Variants in NARS1 observed in about 807,000 individuals in gnomAD.
NARS1 encodes the protein asparaginyl-tRNA synthetase 1.
NARS1 carries 65 observed loss-of-function variants against 79.2 expected under a neutral mutation model. The observed-to-expected ratio is 0.82, with a 90% confidence interval of 0.67 to 1.01. NARS1 has a LOEUF of 1.01. Among genes scored for constraint, NARS1 ranks in the 50% least tolerant of loss-of-function variants. NARS1 has a pLI of 0.00. For missense variants in NARS1, 649 were observed against 673.8 expected (o/e 0.96, Z 0.41); for synonymous variants, 229 against 238.8 (o/e 0.96, Z 0.38).
At chr18:57,614,493 C>T (rs2051631274) in intron 4 of NARS1, among the ~76,000 whole-genome samples, 1 of 151,704 alleles carries the variant, frequency 6.6e-6, no homozygotes, top group African/African-American at 2.4e-5. Flanking sequence ...AAGAGTGAAA[C>T]TCTGTCTCAT....
At position 57,611,663 on chromosome 18, in the gene NARS1, G is replaced by C. The variant is rs1374974566; in HGVS notation, c.466C>G (p.Leu156Val). 7 of 1,596,718 alleles carry C rather than the reference G, an allele frequency of 4.4e-6. No individual in the cohort carries two copies. Among genetic ancestry groups the C allele is most frequent in the Non-Finnish European group, 5.1e-6 (6 of 1,173,138 alleles). ...AACTCATCCGCCAAGACACACTGAA[G>C]ATAACCTGTACCATCTCGCAACACC... ...FLVLRDGTGY[L>V]QCVLADELCQ... Residue 156 changes from leucine (L) to valine (V), a missense_variant, in exon 6 of 14, where the codon CTT becomes GTT. Transcript: ENST00000256854.
rs1312757175 is a variant in NARS1, at chr18:57,620,653, T to C, written c.11-2A>G. 3 of 1,607,346 alleles carry C rather than the reference T, an allele frequency of 1.9e-6. No homozygotes were observed. The highest frequency in any genetic ancestry group is 2.6e-6 in the Non-Finnish European group (3 of 1,175,498). ...CTCGGTCAGAGACGTACAGCTCTGC[T>C]GTTTGACAAAATGAGGGTAAGTTAT... On this transcript the variant is annotated splice_acceptor_variant, in intron 1 of 13. Transcript: ENST00000256854. LOFTEE classifies it high-confidence loss of function.
rs1241382607 is a variant in NARS1 at position 57,607,653 on chromosome 18, G to A, written c.592C>T (p.His198Tyr). The A allele has an allele frequency of 6.2e-7, 1 of 1,612,506 alleles. No individual in the cohort carries two copies. Among genetic ancestry groups the A allele is most frequent in the Non-Finnish European group, 8.5e-7 (1 of 1,178,852 alleles). The change falls in exon 8 of 14, where the codon CAT becomes TAT. Residue 198 changes from histidine to tyrosine, a missense_variant. Coordinates refer to ENST00000256854, the MANE Select transcript of NARS1 (RefSeq NM_004539.4). ...TCCCAGAAGTCACAACTCAGCTCAT[G>A]GCCACCTGGAGCCTGCATTTTTTAA... is the stretch of plus-strand genomic sequence containing the variant. The part of the protein sequence containing the change: ...TPKGKQAPGG[H>Y]ELSCDFWELI...
In NARS1 at chr18:57,602,737, G is replaced by A. The variant is rs1463014448; in HGVS notation, c.1383+75C>T. 7.9e-6 allele frequency: 12 copies of A among 1,512,794 alleles called. No individual in the cohort carries two copies. In the Admixed American group the frequency reaches 2.2e-4, roughly 27 times the overall value. The allele number at this position is 1,512,794 out of a possible 1,614,324, so 93.7% of individuals were successfully genotyped here. ...GAGAATGAAATATTTGGCATGAGCTGTACCTGATTCCAGATGACAGTCCCC... is the reference window on the plus strand; with the variant it reads ...GAGAATGAAATATTTGGCATGAGCTATACCTGATTCCAGATGACAGTCCCC... On this transcript the variant is annotated intron_variant, in intron 12 of 13. Coordinates refer to ENST00000256854, the MANE Select transcript of NARS1 (RefSeq NM_004539.4).
chr18:57,602,537 A>G, intron 12 of NARS1, 51 bp from the exon 13 acceptor site: 1 of 1,598,340 alleles, frequency 6.3e-7, no homozygotes, highest in Non-Finnish European at 8.6e-7. Context: ...GCGATCAGAC[A>G]CAGCACTGCC....
chr18:57,610,923 A>T (rs1188791394), intron 6 of NARS1, among the ~76,000 whole-genome samples: 1 of 150,660 alleles, frequency 6.6e-6, no homozygotes, highest in Non-Finnish European at 1.5e-5. Context: ...TAGTAGTTGT[A>T]TTAATTTGGT....
intron 13 of NARS1, 24 bp from the exon 14 acceptor site, chr18:57,601,807 A>G (rs998080311): frequency 3.1e-6 from 5 of 1,607,354 alleles, no homozygotes; most frequent in Non-Finnish European, 4.3e-6. Context: ...GAAAGAAAGA[A>G]AGAGGAGTAA....
At chr18:57,608,590 A>T (rs1264885217) in intron 7 of NARS1, among the ~76,000 whole-genome samples, 1 of 152,214 alleles carries the variant, frequency 6.6e-6, no homozygotes, top group African/African-American at 2.4e-5. Context: ...ATAGCCCATG[A>T]GGATGATTCA....
chr18:57,603,844 C>T (rs918691986), intron 11 of NARS1, among the ~76,000 whole-genome samples: 6 of 106,374 alleles, frequency 5.6e-5, no homozygotes, highest in South Asian at 5.8e-4. Flanking sequence ...CTTTACACAG[C>T]GGGGTTCTGC....
rs765440157 is a variant in NARS1 at position 57,606,761 on chromosome 18, G to A, written c.1002-10C>T. 13 of 1,614,078 alleles carry A rather than the reference G, an allele frequency of 8.1e-6. No individual in the cohort carries two copies. The highest frequency in any genetic ancestry group is 6.7e-5 in the Admixed American group (4 of 60,014). On this transcript the variant is annotated splice_polypyrimidine_tract_variant and intron_variant, in intron 9 of 13. Transcript: ENST00000256854. ...TTCCACGTGAGTGTACCTGAAGAACGAGACAATAGCTCAGCACTGCTTTTC... is the reference window on the plus strand; with the variant it reads ...TTCCACGTGAGTGTACCTGAAGAACAAGACAATAGCTCAGCACTGCTTTTC...
At chr18:57,616,177 A>T (rs1000211991) in intron 2 of NARS1, among the ~76,000 whole-genome samples, 2 of 152,220 alleles carry the variant, frequency 1.3e-5, no homozygotes, top group African/African-American at 4.8e-5. Context: ...CTGTAATCCC[A>T]GCACTTTGGA....
chr18:57,616,857 C>A (rs1169533487), intron 2 of NARS1, among the ~76,000 whole-genome samples: 2 of 143,774 alleles, frequency 1.4e-5, no homozygotes, highest in Non-Finnish European at 3.0e-5. Context: ...AAAAAATTAG[C>A]CGGGTGTGGT....
rs1307110561 is a variant in NARS1, at chr18:57,620,773, A to G, written c.11-122T>C. ...TCGATTAATAAAAATTGAGGTCCAT[A>G]AGTAATTAATATCCTAGTTATTTCC... is the stretch of plus-strand genomic sequence containing the variant. On this transcript the variant is annotated intron_variant, in intron 1 of 13. Transcript: ENST00000256854. 5.5e-6 allele frequency: 3 copies of G among 543,476 alleles called. No homozygotes were observed. In the African/African-American group the frequency reaches 5.7e-5, roughly 10 times the overall value. The allele number at this position is 543,476 out of a possible 1,614,324, so 33.7% of individuals were successfully genotyped here. A position where few individuals can be genotyped will look rare whatever the true frequency, so the allele number is the denominator to read the frequency against.
rs145345600 is a variant in NARS1, at chr18:57,604,306, C to A, written c.1252-1363G>T. On this transcript the variant is annotated intron_variant, in intron 11 of 13. Transcript: ENST00000256854. ...GTGTGGCTCATGCCTATAATCTCAA[C>A]ACTCGGGAGGCCGAGGTGAGAGGAC... Among the ~76,000 whole-genome samples the A allele has an allele frequency of 3.7e-3, 565 of 152,182 alleles. 7 individuals are homozygous for A. The highest frequency in any genetic ancestry group is 0.013 in the African/African-American group (522 of 41,528).
chr18:57,618,933 C>T (rs1227818845), intron 2 of NARS1, among the ~76,000 whole-genome samples: 1 of 152,000 alleles, frequency 6.6e-6, no homozygotes, highest in Non-Finnish European at 1.5e-5. Context: ...AAATTAAAAA[C>T]AAGTACCCAT....
rs1274575589 is a variant in NARS1, at chr18:57,607,265, AAAAT to A, written c.866_869del (p.Tyr289LeufsTer7). ...ATTGAGTCAAAAATGCCTCTTCCCC[AAAAT>A]AGTCAAGCTTGAAGAGTGTGGCACC... On this transcript the variant is annotated frameshift_variant, in exon 9 of 14. Coordinates refer to ENST00000256854, the MANE Select transcript of NARS1 (RefSeq NM_004539.4). LOFTEE classifies it high-confidence loss of function. The A allele has an allele frequency of 6.2e-7, 1 of 1,614,066 alleles. No individual in the cohort carries two copies. The highest frequency in any genetic ancestry group is 8.5e-7 in the Non-Finnish European group (1 of 1,180,030).
intron 11 of NARS1, among the ~76,000 whole-genome samples, chr18:57,603,766 C>G (rs1283202807): frequency 7.1e-6 from 1 of 140,232 alleles, no homozygotes; most frequent in African/African-American, 2.6e-5. Flanking sequence ...GGAGCCCTTG[C>G]GTCCTCGGAG....
chr18:57,609,339 G>C lies in NARS1; in HGVS notation c.579+18C>G. 1 of 1,593,630 alleles carries C rather than the reference G, an allele frequency of 6.3e-7. No homozygotes were observed. Among genetic ancestry groups the C allele is most frequent in the Non-Finnish European group, 8.6e-7 (1 of 1,162,756 alleles). ...AATAAACTATTCATTCACCCAGTGC[G>C]AAACTCAATCCACTCACCTGCTTGC... On this transcript the variant is annotated intron_variant, in intron 7 of 13. Transcript: ENST00000256854.
intron 6 of NARS1, among the ~76,000 whole-genome samples, 167 bp from the exon 7 acceptor site, chr18:57,609,610 A>G (rs2051588901): frequency 6.6e-6 from 1 of 152,228 alleles, no homozygotes; most frequent in South Asian, 2.1e-4. Context: ...ATTTTTGTGG[A>G]AGACAGAGGT....
Sources: allele counts gnomAD v4.1 joint callset (sites outside exome capture counted in the v4.1 genomes callset), GRCh38; gene constraint gnomAD v4.1.1; transcripts MANE v1.5; gene names NCBI Gene and HGNC (gene_info 2026-07-23, HGNC 2026-07-21).